Variants in SGCZ observed in about 807,000 individuals in gnomAD.
SGCZ encodes sarcoglycan zeta, also known as zeta-sarcoglycan.
Under a neutral mutation model 41.3 loss-of-function variants are expected in SGCZ, and 40 were observed. The observed-to-expected ratio is 0.97, with a 90% CI of 0.75 to 1.26. The LOEUF is 1.26. Among genes scored for constraint, SGCZ ranks in the 50% most tolerant of loss-of-function variants. The pLI is 0.00. For missense variants in SGCZ, 552 were observed against 369.8 expected (o/e 1.49, Z -4.04); for synonymous variants, 206 against 137.5 (o/e 1.50, Z -3.49).
At chr8:14,329,979 G>C (rs1802256661) in intron 2 of SGCZ, among the ~76,000 whole-genome samples, 1 of 151,858 alleles carries the variant, frequency 6.6e-6, no homozygotes, top group African/African-American at 2.4e-5. Context: ...ATGCATTCTA[G>C]CTGCTTGAGA....
chr8:14,739,388 C>G (rs62495221), intron 1 of SGCZ, among the ~76,000 whole-genome samples: 2 of 151,856 alleles, frequency 1.3e-5, no homozygotes, highest in Non-Finnish European at 2.9e-5. Flanking sequence ...AAATTGGAAT[C>G]CATTAATTAT....
At chr8:14,308,927 T>C in intron 3 of SGCZ, 2 of 533,286 alleles carry the variant, frequency 3.8e-6, no homozygotes, top group South Asian at 3.0e-5. Flanking sequence ...TGAAATCCAG[T>C]AGACTAACAA....
At position 14,972,023 on chromosome 8, in the gene SGCZ, G is replaced by C. The variant is rs1024260071; in HGVS notation, c.39+265562C>G. ...TTCTTTTTTCATAATAACTGTGTTT[G>C]GTTTCGGGTTATTACTGGCTTCATA... On this transcript the variant is annotated intron_variant, in intron 1 of 7. Coordinates refer to ENST00000382080, the MANE Select transcript of SGCZ (RefSeq NM_139167.4). Among the ~76,000 whole-genome samples the C allele has an allele frequency of 8.0e-4, 121 of 152,010 alleles. 1 individual carries two copies. The highest frequency in any genetic ancestry group is 2.2e-3 in the African/African-American group (91 of 41,450).
At chr8:14,684,877 G>A (rs1426879644) in intron 1 of SGCZ, among the ~76,000 whole-genome samples, 1 of 152,038 alleles carries the variant, frequency 6.6e-6, no homozygotes, top group African/African-American at 2.4e-5. Context: ...TGTGGAGGAG[G>A]GAGGTCTGTT....
At chr8:14,643,664 A>G (rs1585148877) in intron 1 of SGCZ, among the ~76,000 whole-genome samples, 1 of 151,878 alleles carries the variant, frequency 6.6e-6, no homozygotes, top group African/African-American at 2.4e-5. Flanking sequence ...GAGCATCACT[A>G]AAAGTGTTGA....
chr8:15,109,136 A>T (rs1336789964), intron 1 of SGCZ, among the ~76,000 whole-genome samples: 2 of 152,220 alleles, frequency 1.3e-5, no homozygotes, highest in Non-Finnish European at 2.9e-5. Flanking sequence ...GACCTAAAAC[A>T]AATATTTGGT....
intron 2 of SGCZ, among the ~76,000 whole-genome samples, chr8:14,453,742 T>C (rs1001572945): frequency 2.6e-5 from 4 of 152,226 alleles, no homozygotes; most frequent in Non-Finnish European, 5.9e-5. Context: ...TCTTTAACAA[T>C]GTTCAGAAAT....
chr8:14,632,951 A>G (rs1220506858), intron 1 of SGCZ, among the ~76,000 whole-genome samples: 2 of 151,884 alleles, frequency 1.3e-5, no homozygotes, highest in Non-Finnish European at 2.9e-5. Context: ...AAATATGAAA[A>G]CTTTTTGCTT....
At chr8:14,688,944 T>C (rs898174606) in intron 1 of SGCZ, among the ~76,000 whole-genome samples, 2 of 151,850 alleles carry the variant, frequency 1.3e-5, no homozygotes, top group Non-Finnish European at 2.9e-5. Flanking sequence ...TATACAAAAA[T>C]CACAAGCATT....
intron 4 of SGCZ, among the ~76,000 whole-genome samples, chr8:14,221,654 G>C (rs534337387): frequency 4.6e-5 from 7 of 152,284 alleles, no homozygotes; most frequent in African/African-American, 1.7e-4. Flanking sequence ...TAAGAAGTGG[G>C]GTCGGGTGTG....
At chr8:14,661,153 G>A (rs568687870) in intron 1 of SGCZ, among the ~76,000 whole-genome samples, 2 of 152,056 alleles carry the variant, frequency 1.3e-5, no homozygotes, top group African/African-American at 2.4e-5. Context: ...AAAATAGAAG[G>A]TGCGTTTTAT....
intron 1 of SGCZ, among the ~76,000 whole-genome samples, chr8:15,213,003 G>A (rs1214451615): frequency 6.6e-6 from 1 of 151,838 alleles, no homozygotes; most frequent in African/African-American, 2.4e-5. Flanking sequence ...AAATTCTAAT[G>A]AATGAAAAGT....
chr8:14,964,024 T>C (rs1226534794), intron 1 of SGCZ, among the ~76,000 whole-genome samples: 2 of 152,234 alleles, frequency 1.3e-5, no homozygotes, highest in Non-Finnish European at 2.9e-5. Flanking sequence ...CTTTAAATCC[T>C]ATGCAAAGGT....
rs1383449480 is a variant in SGCZ at position 14,410,577 on chromosome 8, G to C, written c.235-86373C>G. ...AACAGAAGTTCTACACATGGACACA[G>C]GGAGGGGAACATCACATACTGGGGC... On this transcript the variant is annotated intron_variant, in intron 2 of 7. Transcript: ENST00000382080. Among the ~76,000 whole-genome samples, 4 of 151,878 alleles carry C rather than the reference G, an allele frequency of 2.6e-5. No individual in the cohort carries two copies. In the East Asian group the frequency reaches 7.7e-4, roughly 29 times the overall value.
At chr8:14,762,085 C>A (rs1799901687) in intron 1 of SGCZ, among the ~76,000 whole-genome samples, 2 of 152,196 alleles carry the variant, frequency 1.3e-5, no homozygotes, top group Non-Finnish European at 2.9e-5. Context: ...TGACATGGAA[C>A]TCTGAAAGCC....
At chr8:14,365,267 T>C (rs1157989844) in intron 2 of SGCZ, among the ~76,000 whole-genome samples, 4 of 152,122 alleles carry the variant, frequency 2.6e-5, no homozygotes, top group African/African-American at 9.6e-5. Flanking sequence ...ATTTTCTTAG[T>C]TCCTTCTGTT....
At chr8:14,152,155 G>A (rs1302919713) in intron 5 of SGCZ, among the ~76,000 whole-genome samples, 1 of 149,238 alleles carries the variant, frequency 6.7e-6, no homozygotes, top group African/African-American at 2.4e-5. Flanking sequence ...ATGAGAGTAG[G>A]ATAAAATATT....
intron 1 of SGCZ, among the ~76,000 whole-genome samples, chr8:15,234,023 AT>A (rs962043121): frequency 6.8e-4 from 104 of 152,336 alleles, no homozygotes; most frequent in African/African-American, 2.3e-3. Flanking sequence ...TAGTACCCAT[AT>A]TTTAAAAGAT....
chr8:14,788,829 G>A (rs1014274575), intron 1 of SGCZ, among the ~76,000 whole-genome samples: 6 of 152,042 alleles, frequency 3.9e-5, no homozygotes, highest in African/African-American at 1.2e-4. Context: ...ACTTGTTTTA[G>A]ACCAGGCACA....
Sources: gnomAD v4.1 joint callset for allele counts (sites outside exome capture counted in the v4.1 genomes callset) on GRCh38, gnomAD v4.1.1 for gene constraint, MANE v1.5 for transcripts, NCBI Gene and HGNC (gene_info 2026-07-23, HGNC 2026-07-21) for gene names.